Variants in EYA4 observed in about 807,000 individuals in gnomAD.
The protein encoded by EYA4 is EYA transcriptional coactivator and phosphatase 4.
Under a neutral mutation model 87.9 loss-of-function variants are expected in EYA4, and 31 were observed. The observed-to-expected ratio is 0.35, with a 90% confidence interval of 0.27 to 0.48. The LOEUF is 0.48. Ranked by LOEUF, EYA4 falls within the 20% of genes least tolerant of loss-of-function variation. EYA4 has a pLI of 0.99. For synonymous variants in EYA4, 263 were observed against 270.6 expected (o/e 0.97, Z 0.28); for missense variants, 678 against 761.4 (o/e 0.89, Z 1.29).
chr6:133,440,353 C>G (rs1475172593), intron 3 of EYA4, among the ~76,000 whole-genome samples: 2 of 152,062 alleles, frequency 1.3e-5, no homozygotes, highest in African/African-American at 4.8e-5. Context: ...AGTTTGACAG[C>G]TGTTTATTTG....
intron 3 of EYA4, among the ~76,000 whole-genome samples, chr6:133,444,820 G>C (rs1454478965): frequency 1.3e-5 from 2 of 152,160 alleles, no homozygotes; most frequent in East Asian, 3.8e-4. Context: ...TACTAAAGTA[G>C]CACAGTATGC....
intron 3 of EYA4, among the ~76,000 whole-genome samples, chr6:133,401,651 G>A (rs11969822): frequency 2.9e-4 from 44 of 152,052 alleles, no homozygotes; most frequent in African/African-American, 1.0e-3. Flanking sequence ...TAGCTTCATC[G>A]TTTAACCCCG....
rs1212142790 is a variant in EYA4, at chr6:133,481,556, G to A, written c.1064G>A (p.Gly355Asp). Residue 355 changes from glycine to aspartate, a missense_variant, in exon 12 of 20, where the codon GGC (glycine) becomes GAC (aspartate). Physicochemically the swap from Gly to Asp is moderately conservative, Grantham distance 94. Transcript: ENST00000355286. ...RSSGSKSRGR[G>D]RKNNPSPPPD... is the part of the protein sequence containing the mutation. The stretch of plus-strand genomic sequence containing the variant: ...TCTGGGTCAAAGTCCAGAGGAAGAG[G>A]CCGGAAAAATAATCCCTCCCCGCCT... The A allele has an allele frequency of 1.9e-6, 3 of 1,613,878 alleles. No individual in the cohort carries two copies. The highest frequency in any genetic ancestry group is 2.5e-6 in the Non-Finnish European group (3 of 1,179,956).
At chr6:133,373,342 T>G (rs968411429) in intron 2 of EYA4, among the ~76,000 whole-genome samples, 1 of 152,026 alleles carries the variant, frequency 6.6e-6, no homozygotes, top group African/African-American at 2.4e-5. Context: ...TTTAAAAAAA[T>G]TTATAAAGAT....
At chr6:133,413,876 T>G (rs1455832630) in intron 3 of EYA4, among the ~76,000 whole-genome samples, 2 of 152,196 alleles carry the variant, frequency 1.3e-5, no homozygotes, top group Non-Finnish European at 2.9e-5. Context: ...CTCTTTCTTT[T>G]CTTCTTATCT....
intron 11 of EYA4, among the ~76,000 whole-genome samples, chr6:133,480,982 A>G (rs1245493421): frequency 6.6e-6 from 1 of 151,884 alleles, no homozygotes; most frequent in African/African-American, 2.4e-5. Flanking sequence ...AAGATGGGAG[A>G]GGTGGAAGGG....
At chr6:133,258,105 A>G (rs915605618) in intron 1 of EYA4, among the ~76,000 whole-genome samples, 1 of 152,226 alleles carries the variant, frequency 6.6e-6, no homozygotes, top group Non-Finnish European at 1.5e-5. Flanking sequence ...AGCAGTGTCT[A>G]TGGGCAGCAC....
intron 3 of EYA4, among the ~76,000 whole-genome samples, chr6:133,436,223 GA>G (rs537669152): frequency 0.03 from 3,978 of 133,328 alleles, 153 homozygotes; most frequent in African/African-American, 0.098. Flanking sequence ...CCGTCTTGAG[GA>G]AAAAAAAAAA....
intron 3 of EYA4, among the ~76,000 whole-genome samples, chr6:133,411,581 G>A (rs1311683714): frequency 6.7e-6 from 1 of 148,190 alleles, no homozygotes; most frequent in East Asian, 2.0e-4. Flanking sequence ...ATATATATTC[G>A]GTCTTTTTTT....
At chr6:133,460,269 T>C in intron 6 of EYA4, among the ~76,000 whole-genome samples, 1 of 152,132 alleles carries the variant, frequency 6.6e-6, no homozygotes, top group South Asian at 2.1e-4. Context: ...GTGTGCTCGC[T>C]CAGTGTGGAT....
chr6:133,348,953 C>T (rs145146162), intron 2 of EYA4, among the ~76,000 whole-genome samples: 4 of 152,266 alleles, frequency 2.6e-5, no homozygotes, highest in African/African-American at 9.6e-5. Context: ...TTACAGTGGC[C>T]TTTGAGGCTC....
chr6:133,436,409 T>G (rs1012605), intron 3 of EYA4, among the ~76,000 whole-genome samples: 9,014 of 151,974 alleles, frequency 0.059, 471 homozygotes, highest in East Asian at 0.23. Flanking sequence ...CTACATTTGA[T>G]TCCATGTAAC....
chr6:133,448,118 C>T lies in EYA4; in HGVS notation c.216C>T (p.Asn72=), dbSNP rs2128625971. The T allele has an allele frequency of 6.2e-7, 1 of 1,613,118 alleles. No individual in the cohort carries two copies. Among genetic ancestry groups the T allele is most frequent in the South Asian group, 1.1e-5 (1 of 91,074 alleles). Residue 72 remains asparagine, a synonymous_variant, in exon 5 of 20, where the codon AAC becomes AAT. Transcript: ENST00000355286. ...TACTGTTCCTGTTCTCAGGGGAAAACATGACTGTTTTAAACACAGCAGACT... is the reference window on the plus strand; with the variant it reads ...TACTGTTCCTGTTCTCAGGGGAAAATATGACTGTTTTAAACACAGCAGACT... ...SVTTNGTGGE[N]MTVLNTADWL... is the part of the protein sequence containing the mutation.
At chr6:133,305,580 G>C (rs1443223191) in intron 2 of EYA4, among the ~76,000 whole-genome samples, 1 of 152,148 alleles carries the variant, frequency 6.6e-6, no homozygotes, top group Non-Finnish European at 1.5e-5. Context: ...TAATCTTTGA[G>C]TTTCACTTGT....
At chr6:133,521,369 C>T (rs1442777709) in intron 17 of EYA4, among the ~76,000 whole-genome samples, 4 of 145,548 alleles carry the variant, frequency 2.7e-5, no homozygotes, top group African/African-American at 1.0e-4. Flanking sequence ...AAAAAATGCT[C>T]ATCATCACTG....
In EYA4 at chr6:133,495,155, G is replaced by C. The variant is rs190288471; in HGVS notation, c.1192-10951G>C. ...GTGGTGGTGGGCACCTGTAATGCCA[G>C]CTACTCAGGAGGCTGAGGCAGCAGA... On this transcript the variant is annotated intron_variant, in intron 13 of 19. Coordinates refer to ENST00000355286, the MANE Select transcript of EYA4 (RefSeq NM_004100.5). 1.8e-3 allele frequency among the ~76,000 whole-genome samples: 280 copies of C among 152,014 alleles called. 2 individuals carry two copies. The highest frequency in any genetic ancestry group is 6.3e-3 in the African/African-American group (263 of 41,498).
At chr6:133,420,165 G>T (rs1018474535) in intron 3 of EYA4, among the ~76,000 whole-genome samples, 2 of 151,946 alleles carry the variant, frequency 1.3e-5, no homozygotes, top group African/African-American at 4.8e-5. Flanking sequence ...TTATTATGCA[G>T]AAATTTCCCA....
At chr6:133,447,960 A>G (rs753053080) in intron 4 of EYA4, 151 bp from the exon 5 acceptor site, 3 of 685,514 alleles carry the variant, frequency 4.4e-6, no homozygotes, top group Admixed American at 2.0e-5. Context: ...TGACTGAACT[A>G]AAACAGACCT....
intron 19 of EYA4, 34 bp from the exon 20 acceptor site, chr6:133,528,691 C>A: frequency 7.0e-7 from 1 of 1,434,456 alleles, no homozygotes; most frequent in Non-Finnish European, 9.8e-7. Context: ...CCTTCCCCTT[C>A]TCTCTCCCAT....
Sources: gnomAD v4.1 joint callset for allele counts (sites outside exome capture counted in the v4.1 genomes callset) on GRCh38, gnomAD v4.1.1 for gene constraint, MANE v1.5 for transcripts, NCBI Gene and HGNC (gene_info 2026-07-23, HGNC 2026-07-21) for gene names.